The following DIAPH2 variants were observed in gnomAD, a reference collection of about 807,000 sequenced individuals.
DIAPH2 encodes the protein protein diaphanous homolog 2.
A neutral mutation model predicts 92.7 loss-of-function variants in DIAPH2; 35 were observed. The ratio of observed to expected loss-of-function variants is 0.38; its 90% CI spans 0.29 to 0.50. The LOEUF (loss-of-function observed/expected upper bound fraction) is 0.50. Ranked by LOEUF, DIAPH2 falls within the 20% of genes least tolerant of loss-of-function variation. DIAPH2 has a pLI of 0.94. For synonymous variants in DIAPH2, 301 were observed against 280.4 expected, an observed-to-expected ratio of 1.07 and a Z score of -0.73; for missense variants, 701 against 819.5, an observed-to-expected ratio of 0.86 and a Z score of 1.77.
intron 22 of DIAPH2, among the ~76,000 whole-genome samples, chrX:97,189,326 A>G (rs1216031026): frequency 9.0e-6 from 1 of 110,825 alleles, no homozygotes; most frequent in East Asian, 2.8e-4. Flanking sequence ...ATATAGAAGA[A>G]CAGAAGAAAG....
chrX:97,316,591 G>A (rs934415840), intron 23 of DIAPH2, among the ~76,000 whole-genome samples: 2 of 110,809 alleles, frequency 1.8e-5, no homozygotes, highest in East Asian at 2.8e-4. Flanking sequence ...AGGAGGCAGA[G>A]GTTGCAGTGA....
At chrX:96,730,951 A>C (rs1241953984) in intron 1 of DIAPH2, among the ~76,000 whole-genome samples, 1 of 110,924 alleles carries the variant, frequency 9.0e-6, no homozygotes, top group East Asian at 2.9e-4. Flanking sequence ...GGAAAACTAC[A>C]GTCAAAGGGG....
At chrX:97,161,297 G>A (rs1455369333) in intron 22 of DIAPH2, among the ~76,000 whole-genome samples, 1 of 110,727 alleles carries the variant, frequency 9.0e-6, no homozygotes, top group African/African-American at 3.3e-5. Flanking sequence ...ATATTAGATG[G>A]ATTATATATA....
chrX:97,401,414 C>T (rs752817919), intron 25 of DIAPH2, among the ~76,000 whole-genome samples: 33 of 111,134 alleles, frequency 3.0e-4, no homozygotes, highest in African/African-American at 1.0e-3. Flanking sequence ...CTTGCTTTCT[C>T]GAGGTTCATC....
intron 25 of DIAPH2, among the ~76,000 whole-genome samples, chrX:97,428,398 G>T (rs769570822): frequency 5.5e-5 from 6 of 109,857 alleles, no homozygotes; most frequent in African/African-American, 2.0e-4. Context: ...GCGTGGTGGC[G>T]CACGCCTGTA....
chrX:96,787,696 T>TTG (rs1421749168), intron 4 of DIAPH2, among the ~76,000 whole-genome samples: 2 of 84,015 alleles, frequency 2.4e-5, no homozygotes, highest in Non-Finnish European at 4.7e-5. Context: ...CTTTTTTTTT[T>TTG]TTTTTTTTTT....
chrX:96,918,489 T>G lies in DIAPH2; in HGVS notation c.870-20T>G. 9.4e-7 allele frequency: 1 copy of G among 1,060,099 alleles called. No homozygotes were observed. The highest frequency in any genetic ancestry group is 1.3e-6 in the Non-Finnish European group (1 of 773,239). 87.4% of individuals were successfully genotyped at this position (1,060,099 alleles called of 1,213,427 possible). The stretch of plus-strand genomic sequence containing the variant: ...TATAAGAAGTATTTCTCATTTCTGT[T>G]TCTTCTTTTTTCTCTACAGTCTAGA... On this transcript the variant is annotated intron_variant, in intron 8 of 26. Transcript: ENST00000324765.
chrX:96,788,680 G>C (rs1413322374), intron 4 of DIAPH2, among the ~76,000 whole-genome samples: 1 of 112,272 alleles, frequency 8.9e-6, no homozygotes, highest in Non-Finnish European at 1.9e-5. Flanking sequence ...TCATATCCAA[G>C]AGGATAATTT....
chrX:97,418,009 C>T (rs1000005402), intron 25 of DIAPH2, among the ~76,000 whole-genome samples: 1 of 111,812 alleles, frequency 8.9e-6, no homozygotes, highest in African/African-American at 3.3e-5. Context: ...GGCTAACTGA[C>T]TCCTGGGCAA....
chrX:96,775,080 C>T (rs1214074851), intron 4 of DIAPH2, among the ~76,000 whole-genome samples: 1 of 110,753 alleles, frequency 9.0e-6, no homozygotes. Context: ...TAAATTTCTT[C>T]TATTGTAATT....
intron 4 of DIAPH2, among the ~76,000 whole-genome samples, chrX:96,801,423 C>T (rs1166799312): frequency 9.0e-6 from 1 of 111,651 alleles, no homozygotes; most frequent in Non-Finnish European, 1.9e-5. Flanking sequence ...TGTTAATACA[C>T]GGTATTACTA....
At chrX:97,316,526 C>T (rs1428370529) in intron 23 of DIAPH2, among the ~76,000 whole-genome samples, 3 of 107,087 alleles carry the variant, frequency 2.8e-5, no homozygotes, top group Admixed American at 2.0e-4. Flanking sequence ...CCTGGTGGCG[C>T]GCACCAGTAG....
At chrX:97,068,315 C>G (rs951544582) in intron 17 of DIAPH2, among the ~76,000 whole-genome samples, 2 of 111,369 alleles carry the variant, frequency 1.8e-5, no homozygotes, top group African/African-American at 6.5e-5. Context: ...AGATACAGAG[C>G]AGATATGTAA....
chrX:97,563,287 G>A (rs745666036), intron 26 of DIAPH2, among the ~76,000 whole-genome samples: 133 of 112,014 alleles, frequency 1.2e-3, no homozygotes, highest in Non-Finnish European at 2.1e-3. Flanking sequence ...GACAATGAAA[G>A]TAGATGCATT....
intron 21 of DIAPH2, among the ~76,000 whole-genome samples, chrX:97,129,092 T>TTTTCTTTTCTTTTCTTTTCTTTTCTTTTC (rs2067113310): frequency 4.2e-5 from 2 of 47,077 alleles, no homozygotes; most frequent in African/African-American, 1.9e-4. Context: ...CTATACCATC[T>TTTTCTTTTCTTTTCTTTTCTTTTCTTTTC]TTTCTTTTCT....
intron 5 of DIAPH2, among the ~76,000 whole-genome samples, chrX:96,888,387 C>G (rs2065278887): frequency 9.3e-6 from 1 of 107,800 alleles, no homozygotes; most frequent in South Asian, 4.0e-4. Context: ...GAGACTCCAT[C>G]TCCAAATGTC....
chrX:97,325,404 T>C (rs1239955861), intron 23 of DIAPH2, among the ~76,000 whole-genome samples: 1 of 111,712 alleles, frequency 9.0e-6, no homozygotes, highest in Non-Finnish European at 1.9e-5. Context: ...TTTTAATGGC[T>C]ACATTGAATA....
intron 17 of DIAPH2, among the ~76,000 whole-genome samples, chrX:97,062,135 T>C (rs2066603289): frequency 8.9e-6 from 1 of 111,734 alleles, no homozygotes. Context: ...ATTTAAAAAT[T>C]AACGGAGTGT....
At chrX:96,812,808 A>G (rs749257609) in intron 4 of DIAPH2, among the ~76,000 whole-genome samples, 10 of 111,764 alleles carry the variant, frequency 8.9e-5, no homozygotes, top group African/African-American at 3.3e-4. Flanking sequence ...CAGGTTGTTC[A>G]GTTTCCATGT....
Sources: gnomAD v4.1 joint callset for allele counts (sites outside exome capture counted in the v4.1 genomes callset) on GRCh38, gnomAD v4.1.1 for gene constraint, MANE v1.5 for transcripts, NCBI Gene and HGNC (gene_info 2026-07-23, HGNC 2026-07-21) for gene names.